TANGO6: variants seen among roughly 807,000 people sequenced by gnomAD.
TANGO6 encodes transport and golgi organization 6 homolog, also known as transport and Golgi organization protein 6 homolog.
A neutral mutation model predicts 114.2 loss-of-function variants in TANGO6; 90 were observed. The observed-to-expected ratio is 0.79, with a 90% CI of 0.66 to 0.94. The LOEUF is 0.94. Ranked by LOEUF, TANGO6 falls within the 40% of genes least tolerant of loss-of-function variation. The pLI, the probability that TANGO6 is intolerant of heterozygous loss-of-function variation, is 0.00. For synonymous variants in TANGO6, 477 were observed against 509.8 expected, an observed-to-expected ratio of 0.94 and a Z score of 0.87; for missense variants, 1,274 against 1,315.3, an observed-to-expected ratio of 0.97 and a Z score of 0.49.
At chr16:69,018,378 G>A (rs1483499150) in intron 15 of TANGO6, among the ~76,000 whole-genome samples, 1 of 149,772 alleles carries the variant, frequency 6.7e-6, no homozygotes, top group African/African-American at 2.4e-5. Context: ...TCAATCTCCT[G>A]ACCTCGTGAT....
intron 17 of TANGO6, among the ~76,000 whole-genome samples, chr16:69,056,621 C>T (rs1960035901): frequency 6.6e-6 from 1 of 151,206 alleles, no homozygotes; most frequent in Non-Finnish European, 1.5e-5. Flanking sequence ...TTACCAAGAA[C>T]CCTTTTTTCA....
intron 5 of TANGO6, 103 bp downstream of exon 5, chr16:68,875,393 T>C: frequency 7.4e-7 from 1 of 1,350,372 alleles, no homozygotes; most frequent in Non-Finnish European, 9.9e-7. Flanking sequence ...CAGTATAATA[T>C]TTAAGTTTAT....
At chr16:69,054,281 C>T (rs985539030) in intron 17 of TANGO6, among the ~76,000 whole-genome samples, 3 of 152,198 alleles carry the variant, frequency 2.0e-5, no homozygotes, top group Non-Finnish European at 2.9e-5. Context: ...AGGGTAAACA[C>T]TCCAGGCTTC....
At chr16:68,988,499 C>A (rs995223217) in intron 15 of TANGO6, among the ~76,000 whole-genome samples, 4 of 152,152 alleles carry the variant, frequency 2.6e-5, no homozygotes, top group Non-Finnish European at 5.9e-5. Context: ...AAGACATTAA[C>A]TTTTATGAAG....
At chr16:68,977,140 A>C (rs182829564) in intron 15 of TANGO6, among the ~76,000 whole-genome samples, 1,722 of 152,192 alleles carry the variant, frequency 0.011, 13 homozygotes, top group South Asian at 0.02. Context: ...ACTTCAGAGG[A>C]TTTATAGAAA....
At chr16:68,888,989 A>C (rs971701021) in intron 7 of TANGO6, among the ~76,000 whole-genome samples, 14 of 152,060 alleles carry the variant, frequency 9.2e-5, no homozygotes, top group South Asian at 4.1e-4. Context: ...ATGCCCGGCT[A>C]ATTTTTGTAT....
chr16:68,959,356 A>G (rs1963566029), intron 14 of TANGO6, among the ~76,000 whole-genome samples: 3 of 152,186 alleles, frequency 2.0e-5, no homozygotes, highest in Admixed American at 6.5e-5. Context: ...TGGGAGGCCA[A>G]GGTGGGTGGA....
At chr16:68,855,711 G>A (rs975352268) in intron 1 of TANGO6, among the ~76,000 whole-genome samples, 1 of 151,810 alleles carries the variant, frequency 6.6e-6, no homozygotes, top group Non-Finnish European at 1.5e-5. Context: ...GGTGGAACCC[G>A]ATCTCTACTA....
chr16:68,993,584 G>A (rs1236380159), intron 15 of TANGO6, among the ~76,000 whole-genome samples: 1 of 152,168 alleles, frequency 6.6e-6, no homozygotes, highest in Admixed American at 6.6e-5. Context: ...GCACTTGAGG[G>A]ATGGATGATC....
chr16:69,063,283 T>C (rs909033767), intron 17 of TANGO6, among the ~76,000 whole-genome samples: 21 of 149,298 alleles, frequency 1.4e-4, no homozygotes, highest in Middle Eastern at 3.6e-3. Flanking sequence ...CCCAGCACAT[T>C]GGGAGGCCAA....
At chr16:68,960,596 G>A (rs1054822558) in intron 14 of TANGO6, among the ~76,000 whole-genome samples, 4 of 152,002 alleles carry the variant, frequency 2.6e-5, no homozygotes, top group Non-Finnish European at 4.4e-5. Context: ...TCTTCCTCCC[G>A]GGGTTTAAGC....
chr16:69,050,491 A>T (rs1398071573), intron 17 of TANGO6, among the ~76,000 whole-genome samples: 3 of 140,486 alleles, frequency 2.1e-5, no homozygotes, highest in Non-Finnish European at 4.7e-5. Context: ...TGCCCAGCTA[A>T]TTTTTTTTTT....
chr16:69,064,918 C>T (rs74655177), intron 17 of TANGO6, among the ~76,000 whole-genome samples: 5,601 of 152,216 alleles, frequency 0.037, 128 homozygotes, highest in Non-Finnish European at 0.048. Flanking sequence ...AGCGGGGTGT[C>T]TGCATGGAGA....
chr16:68,844,553 A>G (rs1458867141), intron 1 of TANGO6, among the ~76,000 whole-genome samples: 1 of 152,170 alleles, frequency 6.6e-6, no homozygotes, highest in East Asian at 1.9e-4. Flanking sequence ...GCAAGGGCAC[A>G]TGAAAGGCCA....
At chr16:68,854,091 T>C (rs1419903638) in intron 1 of TANGO6, among the ~76,000 whole-genome samples, 1 of 152,234 alleles carries the variant, frequency 6.6e-6, no homozygotes, top group Non-Finnish European at 1.5e-5. Flanking sequence ...TAGAACTGTA[T>C]ATTTTGAAAA....
intron 7 of TANGO6, among the ~76,000 whole-genome samples, chr16:68,891,246 C>T (rs1408025091): frequency 2.0e-5 from 3 of 146,958 alleles, no homozygotes; most frequent in Non-Finnish European, 1.5e-5. Flanking sequence ...AGGCCGAGAT[C>T]GCACCATTGC....
At chr16:69,037,596 AT>A (rs1409816437) in intron 16 of TANGO6, among the ~76,000 whole-genome samples, 3 of 152,130 alleles carry the variant, frequency 2.0e-5, no homozygotes, top group African/African-American at 7.2e-5. Context: ...TAGCTATTAT[AT>A]TGTTGCCTAT....
In TANGO6 at chr16:69,083,712, C is replaced by A; in HGVS notation, c.*51C>A. 3.9e-6 allele frequency: 6 copies of A among 1,520,010 alleles called. No individual in the cohort carries two copies. The highest frequency in any genetic ancestry group is 5.3e-6 in the Non-Finnish European group (6 of 1,130,104). 94.2% of individuals were successfully genotyped at this position (1,520,010 alleles called of 1,614,324 possible). On this transcript the variant is annotated 3_prime_UTR_variant, in exon 18 of 18. Transcript: ENST00000261778. ...GCAGGCAGGGCCAGGCACCCAGAGC[C>A]GTGCCCAGGTCTTCCAGCAGGTGGC...
chr16:68,854,618 G>GTTTTTT (rs572025557), intron 1 of TANGO6, among the ~76,000 whole-genome samples: 1 of 138,238 alleles, frequency 7.2e-6, no homozygotes, highest in Admixed American at 7.3e-5. Flanking sequence ...AAAGGTCAAA[G>GTTTTTT]TTTTTTTTTT....
Sources: allele counts gnomAD v4.1 joint callset (sites outside exome capture counted in the v4.1 genomes callset), GRCh38; gene constraint gnomAD v4.1.1; transcripts MANE v1.5; gene names NCBI Gene and HGNC (gene_info 2026-07-23, HGNC 2026-07-21).